The following GRIK2 variants were observed in gnomAD, a reference collection of about 807,000 sequenced individuals.
GRIK2 encodes glutamate ionotropic receptor kainate type subunit 2, also known as glutamate receptor ionotropic, kainate 2.
Under a neutral mutation model 100.3 loss-of-function variants are expected in GRIK2, and 32 were observed. That is an observed-to-expected ratio of 0.32 (90% CI 0.24 to 0.43). The LOEUF is 0.43. GRIK2 is among the 20% of genes least tolerant of loss of function. The pLI, the probability that GRIK2 is intolerant of heterozygous loss-of-function variation, is 1.00. For missense variants in GRIK2, 843 were observed against 1,114.9 expected (o/e 0.76, Z 3.47); for synonymous variants, 417 against 389.4 (o/e 1.07, Z -0.83).
At chr6:101,414,493 G>A (rs1776024016) in intron 2 of GRIK2, among the ~76,000 whole-genome samples, 1 of 152,062 alleles carries the variant, frequency 6.6e-6, no homozygotes, top group Admixed American at 6.6e-5. Flanking sequence ...ATCCCCCCTG[G>A]AAGTCCCCAA....
In GRIK2 at chr6:101,799,773, T is replaced by C. The variant is rs745827949; in HGVS notation, c.1077T>C (p.Phe359=). The C allele has an allele frequency of 1.2e-6, 2 of 1,613,334 alleles. No individual in the cohort carries two copies. The highest frequency in any genetic ancestry group is 1.7e-6 in the Non-Finnish European group (2 of 1,179,412). ...AACCCTGGCGCTTCGGGACCCGCTT[T>C]ATGAGTCTAATTAAAGAGGTAAGTT... The part of the protein sequence containing the change: ...RHKPWRFGTR[F]MSLIKEAHWE... The change falls in exon 8 of 17, where the codon TTT becomes TTC. Residue 359 remains phenylalanine, a synonymous_variant. Coordinates refer to ENST00000369134, the MANE Select transcript of GRIK2 (RefSeq NM_021956.5).
intron 14 of GRIK2, among the ~76,000 whole-genome samples, chr6:102,023,096 T>G (rs1347482035): frequency 1.3e-5 from 2 of 151,370 alleles, no homozygotes; most frequent in Non-Finnish European, 3.0e-5. Context: ...TCCAAAAAAA[T>G]TAATTTAAAT....
chr6:101,934,684 T>A (rs1471537118), intron 14 of GRIK2, among the ~76,000 whole-genome samples: 2 of 151,916 alleles, frequency 1.3e-5, no homozygotes, highest in Non-Finnish European at 2.9e-5. Flanking sequence ...TTTGTAAATA[T>A]AGGCAAAACA....
At chr6:101,893,991 C>A (rs2128458962) in intron 12 of GRIK2, among the ~76,000 whole-genome samples, 1 of 151,164 alleles carries the variant, frequency 6.6e-6, no homozygotes, top group African/African-American at 2.4e-5. Flanking sequence ...ATATATTTTG[C>A]TGGAGAGAAA....
chr6:101,542,837 A>G (rs1776066675), intron 2 of GRIK2, among the ~76,000 whole-genome samples: 1 of 152,132 alleles, frequency 6.6e-6, no homozygotes, highest in Non-Finnish European at 1.5e-5. Flanking sequence ...TACACCAATA[A>G]TTATGCCCTT....
intron 10 of GRIK2, among the ~76,000 whole-genome samples, chr6:101,851,416 A>G (rs900933975): frequency 6.6e-6 from 1 of 152,016 alleles, no homozygotes; most frequent in African/African-American, 2.4e-5. Flanking sequence ...TATTTTATCC[A>G]GTGTTCAAGT....
intron 2 of GRIK2, among the ~76,000 whole-genome samples, chr6:101,602,348 C>CATGT (rs2128310543): frequency 6.6e-6 from 1 of 151,296 alleles, no homozygotes; most frequent in African/African-American, 2.4e-5. Context: ...TGTGACCAAG[C>CATGT]ATGTGTTTGG....
intron 12 of GRIK2, among the ~76,000 whole-genome samples, chr6:101,918,688 T>C (rs1789278578): frequency 6.6e-6 from 1 of 151,788 alleles, no homozygotes; most frequent in African/African-American, 2.4e-5. Context: ...ATACAAAGTA[T>C]GTATTTGGCT....
At chr6:102,068,320 A>G (rs778524295) in intron 16 of GRIK2, 27 bp from the exon 17 acceptor site, 9 of 1,543,718 alleles carry the variant, frequency 5.8e-6, no homozygotes, top group Non-Finnish European at 8.0e-6. Context: ...ATCTTGTAAT[A>G]TTTAATTTTT....
intron 2 of GRIK2, among the ~76,000 whole-genome samples, chr6:101,485,078 A>G (rs1772748304): frequency 6.6e-6 from 1 of 152,204 alleles, no homozygotes; most frequent in South Asian, 2.1e-4. Flanking sequence ...AACCTTGACT[A>G]AACACAGATC....
In GRIK2 at chr6:101,749,220, G is replaced by A. The variant is rs938195799; in HGVS notation, c.952-50428G>A. On this transcript the variant is annotated intron_variant, in intron 7 of 16. Coordinates refer to ENST00000369134, the MANE Select transcript of GRIK2 (RefSeq NM_021956.5). Reference sequence around the variant, plus strand: ...GCCTTCTGGGTTCAAGCGATTCTCCGGCCTCAGCCTCCCGAGTAACTGGGA... The same window carrying A: ...GCCTTCTGGGTTCAAGCGATTCTCCAGCCTCAGCCTCCCGAGTAACTGGGA... Among the ~76,000 whole-genome samples, 38 of 151,834 alleles carry A rather than the reference G, an allele frequency of 2.5e-4. 1 individual carries two copies. The highest frequency in any genetic ancestry group is 4.3e-4 in the Non-Finnish European group (29 of 67,972).
At chr6:101,796,193 T>G (rs1034927849) in intron 7 of GRIK2, among the ~76,000 whole-genome samples, 4 of 152,200 alleles carry the variant, frequency 2.6e-5, no homozygotes, top group African/African-American at 9.6e-5. Flanking sequence ...GCTGTCTGCC[T>G]TGGTTTCCTA....
intron 14 of GRIK2, among the ~76,000 whole-genome samples, chr6:101,985,119 C>T (rs899018284): frequency 1.3e-5 from 2 of 151,538 alleles, no homozygotes; most frequent in Non-Finnish European, 3.0e-5. Context: ...CAGTCCTGGA[C>T]AATCAGTAGT....
In GRIK2 at chr6:102,006,353, A is replaced by C. The variant is rs183477435; in HGVS notation, c.2086-28988A>C. On this transcript the variant is annotated intron_variant, in intron 14 of 16. Coordinates refer to ENST00000369134, the MANE Select transcript of GRIK2 (RefSeq NM_021956.5). ...GTAGAAAGGGTATTTGATTTGAGAA[A>C]AGATGATAAACCTTTTATATATATA... Among the ~76,000 whole-genome samples the C allele has an allele frequency of 2.1e-3, 311 of 147,052 alleles. 2 individuals are homozygous for C. The highest frequency in any genetic ancestry group is 7.6e-3 in the African/African-American group (305 of 39,996).
At chr6:101,726,232 G>C (rs970221924) in intron 7 of GRIK2, among the ~76,000 whole-genome samples, 1 of 151,978 alleles carries the variant, frequency 6.6e-6, no homozygotes, top group Non-Finnish European at 1.5e-5. Context: ...CTCATTAAAA[G>C]TGGTTGTGCT....
chr6:101,803,018 G>A (rs1780768283), intron 9 of GRIK2, among the ~76,000 whole-genome samples: 1 of 151,750 alleles, frequency 6.6e-6, no homozygotes, highest in Non-Finnish European at 1.5e-5. Flanking sequence ...ATATTTTAGT[G>A]TGAGTTTTCT....
At chr6:101,787,051 T>C (rs886620657) in intron 7 of GRIK2, among the ~76,000 whole-genome samples, 1 of 152,058 alleles carries the variant, frequency 6.6e-6, no homozygotes, top group African/African-American at 2.4e-5. Flanking sequence ...TGGTAGTAGG[T>C]TGTATGTGTC....
intron 2 of GRIK2, among the ~76,000 whole-genome samples, chr6:101,546,338 C>T (rs2022055): frequency 0.82 from 124,408 of 152,160 alleles, 51,484 homozygotes; most frequent in African/African-American, 0.94. Flanking sequence ...ATAATCACCC[C>T]TAATGATTAA....
chr6:101,912,987 C>T (rs2518278), intron 12 of GRIK2, among the ~76,000 whole-genome samples: 129,514 of 151,396 alleles, frequency 0.86, 55,553 homozygotes, highest in East Asian at 0.94. Context: ...CGATAAAACA[C>T]AGAAATAGTA....
Sources: gnomAD v4.1 joint callset for allele counts (sites outside exome capture counted in the v4.1 genomes callset) on GRCh38, gnomAD v4.1.1 for gene constraint, MANE v1.5 for transcripts, NCBI Gene and HGNC (gene_info 2026-07-23, HGNC 2026-07-21) for gene names.